Variants in DENND2B observed in about 807,000 individuals in gnomAD.
DENND2B encodes DENN domain containing 2B.
DENND2B carries 32 observed loss-of-function variants against 116.0 expected under a neutral mutation model. That is an observed-to-expected ratio of 0.28 (90% CI 0.21 to 0.37). The LOEUF is 0.37. Among genes scored for constraint, DENND2B ranks in the 10% least tolerant of loss-of-function variants. The probability of loss-of-function intolerance (pLI) is 1.00; values close to 1 mark genes in which losing one functional copy is unlikely to be tolerated. For missense variants in DENND2B, 1,276 were observed against 1,477.7 expected (o/e 0.86, Z 2.24); for synonymous variants, 588 against 583.9 (o/e 1.01, Z -0.10).
upstream of DENND2B, among the ~76,000 whole-genome samples, chr11:8,874,162 G>GCAAGC (rs1400519250): frequency 1.2e-4 from 18 of 152,166 alleles, no homozygotes; most frequent in South Asian, 6.2e-4. Flanking sequence ...TCCTCCACCC[G>GCAAGC]CAAGCCATTT....
intron 1 of DENND2B, among the ~76,000 whole-genome samples, chr11:8,755,946 TCATATTGCTATATGTACAA>T (rs1304249422): frequency 1.3e-5 from 2 of 152,210 alleles, no homozygotes; most frequent in Non-Finnish European, 2.9e-5. Context: ...GCTTGGCATA[TCATATTGCTATATGTACAA>T]CAGAGAAGGG....
chr11:8,871,274 G>A (rs1356851856), intron 1 of DENND2B: 1 of 150,918 alleles, frequency 6.6e-6, no homozygotes, highest in African/African-American at 2.4e-5. Context: ...AGGGGTGAGG[G>A]AGGCGGGGGC....
At position 8,906,509 on chromosome 11, in the gene DENND2B, C is replaced by T. The variant is rs200846168; in HGVS notation, c.-256+4312G>A. On this transcript the variant is annotated intron_variant, in intron 1 of 22. Coordinates refer to the DENND2B transcript ENST00000534127. The stretch of plus-strand genomic sequence containing the variant: ...CCACCGCGCCCAGCCAAGAAGTCTT[C>T]AAAAAAAAAAAAAAAAAAACTCTAC... Among the ~76,000 whole-genome samples the T allele has an allele frequency of 6.9e-4, 86 of 124,346 alleles. No homozygotes were observed. The South Asian group carries it at 7.5e-3, about 11-fold the overall frequency. The allele number at this position is 124,346 out of a possible 152,430, so 81.6% of individuals were successfully genotyped here. A position where few individuals can be genotyped will look rare whatever the true frequency, so the allele number is the denominator to read the frequency against.
At chr11:8,864,203 G>C (rs1430726854) in intron 2 of DENND2B, among the ~76,000 whole-genome samples, 1 of 152,086 alleles carries the variant, frequency 6.6e-6, no homozygotes, top group Non-Finnish European at 1.5e-5. Flanking sequence ...CTTCCCAACA[G>C]CAATATTTGG....
intron 4 of DENND2B, chr11:8,718,419 C>G (rs763445492): frequency 1.3e-6 from 2 of 1,528,128 alleles, no homozygotes; most frequent in Non-Finnish European, 1.8e-6. Flanking sequence ...CGCCAGGCCC[C>G]CTTCTCACCT....
intron 1 of DENND2B, chr11:8,784,190 T>C (rs1053087045): frequency 1.3e-5 from 2 of 150,322 alleles, no homozygotes; most frequent in Non-Finnish European, 3.0e-5. Context: ...ACCCTCAGGA[T>C]TGAACTATGA....
chr11:8,833,383 T>G (rs2062292958), intron 4 of DENND2B, among the ~76,000 whole-genome samples: 1 of 152,170 alleles, frequency 6.6e-6, no homozygotes, highest in Non-Finnish European at 1.5e-5. Context: ...AATTTAAAAG[T>G]GGATTACATC....
At chr11:8,742,497 A>T (rs1429819445) in intron 2 of DENND2B, among the ~76,000 whole-genome samples, 2 of 152,236 alleles carry the variant, frequency 1.3e-5, no homozygotes, top group Non-Finnish European at 2.9e-5. Context: ...AGGAACCCTT[A>T]TAGTGTTGAA....
At chr11:8,786,114 T>C (rs2058876471) in intron 1 of DENND2B, among the ~76,000 whole-genome samples, 1 of 152,188 alleles carries the variant, frequency 6.6e-6, no homozygotes, top group Non-Finnish European at 1.5e-5. Context: ...CCCCTGCATA[T>C]TTTAGGCTCC....
intron 2 of DENND2B, among the ~76,000 whole-genome samples, chr11:8,878,452 C>T (rs2653560): frequency 0.32 from 48,109 of 151,114 alleles, 8,572 homozygotes; most frequent in Middle Eastern, 0.53. Flanking sequence ...TGCAATGGCG[C>T]GATCTCAGCT....
At chr11:8,797,685 A>C (rs2059954969) in intron 1 of DENND2B, among the ~76,000 whole-genome samples, 1 of 151,966 alleles carries the variant, frequency 6.6e-6, no homozygotes, top group South Asian at 2.1e-4. Flanking sequence ...CTTGGGTTCC[A>C]GCGATCCTCC....
chr11:8,762,969 A>C (rs765552231), intron 1 of DENND2B, among the ~76,000 whole-genome samples: 19 of 152,222 alleles, frequency 1.2e-4, no homozygotes, highest in Admixed American at 1.0e-3. Flanking sequence ...GCAAACCAAC[A>C]GAGTATAAGA....
intron 3 of DENND2B, among the ~76,000 whole-genome samples, chr11:8,846,292 G>A (rs562099627): frequency 1.8e-4 from 28 of 152,306 alleles, no homozygotes; most frequent in African/African-American, 6.0e-4. Flanking sequence ...TGGTATGAAG[G>A]AATAAATACT....
intron 1 of DENND2B, chr11:8,774,320 T>C: frequency 1.0e-6 from 1 of 985,464 alleles, no homozygotes; most frequent in Non-Finnish European, 1.2e-6. Context: ...GGCTGAAGGC[T>C]GCCTTATAGC....
At chr11:8,744,805 G>A (rs1054221375) in intron 2 of DENND2B, among the ~76,000 whole-genome samples, 2 of 152,018 alleles carry the variant, frequency 1.3e-5, no homozygotes, top group South Asian at 4.2e-4. Context: ...GTGTCTTTTG[G>A]GTAGCAGATA....
At chr11:8,772,879 C>T (rs539494596) in intron 1 of DENND2B, among the ~76,000 whole-genome samples, 8 of 152,014 alleles carry the variant, frequency 5.3e-5, no homozygotes, top group South Asian at 2.1e-4. Flanking sequence ...ATGCTTACAG[C>T]GCACCAATTT....
intron 1 of DENND2B, among the ~76,000 whole-genome samples, chr11:8,798,688 A>C (rs1381011140): frequency 6.6e-6 from 1 of 152,114 alleles, no homozygotes; most frequent in East Asian, 1.9e-4. Context: ...AGGCACCTAC[A>C]TCTAAATGGA....
chr11:8,863,213 T>C (rs1386811334), intron 2 of DENND2B, among the ~76,000 whole-genome samples: 1 of 150,358 alleles, frequency 6.7e-6, no homozygotes, highest in African/African-American at 2.4e-5. Flanking sequence ...AAACAAGATA[T>C]AAAGTGGCCT....
At chr11:8,711,895 G>A (rs1447738472) in intron 9 of DENND2B, 5 of 434,974 alleles carry the variant, frequency 1.1e-5, no homozygotes, top group Admixed American at 1.0e-4. Context: ...AATAAGCAGG[G>A]TTATGTACCA....
Sources: gnomAD v4.1 joint callset for allele counts (sites outside exome capture counted in the v4.1 genomes callset) on GRCh38, gnomAD v4.1.1 for gene constraint, MANE v1.5 for transcripts, NCBI Gene and HGNC (gene_info 2026-07-23, HGNC 2026-07-21) for gene names.